Variants in CCSER1 observed in about 807,000 individuals in gnomAD.
The protein encoded by CCSER1 is coiled-coil serine rich protein 1, also known as serine-rich coiled-coil domain-containing protein 1.
CCSER1 carries 41 observed loss-of-function variants against 82.0 expected under a neutral mutation model. That is an observed-to-expected ratio of 0.50 (90% CI 0.39 to 0.65). The LOEUF (loss-of-function observed/expected upper bound fraction) is 0.65, where lower values mean the gene tolerates loss of function less well. Ranked by LOEUF, CCSER1 falls within the 30% of genes least tolerant of loss-of-function variation. The pLI is 0.00. For synonymous variants in CCSER1, 414 were observed against 383.9 expected, an observed-to-expected ratio of 1.08 and a Z score of -0.92; for missense variants, 1,119 against 1,064.2, an observed-to-expected ratio of 1.05 and a Z score of -0.72.
At chr4:90,683,484 G>A (rs1051661768) in intron 6 of CCSER1, among the ~76,000 whole-genome samples, 7 of 151,846 alleles carry the variant, frequency 4.6e-5, no homozygotes, top group African/African-American at 1.7e-4. Flanking sequence ...CTTAACCTGA[G>A]TCATTTTAAG....
At chr4:91,143,957 C>T (rs1729294712) in intron 10 of CCSER1, among the ~76,000 whole-genome samples, 1 of 151,820 alleles carries the variant, frequency 6.6e-6, no homozygotes, top group South Asian at 2.1e-4. Flanking sequence ...GTGTCTTTGT[C>T]AGATTTTGGT....
chr4:91,543,575 G>A (rs527877028), intron 10 of CCSER1, among the ~76,000 whole-genome samples: 4 of 152,120 alleles, frequency 2.6e-5, no homozygotes, highest in Non-Finnish European at 5.9e-5. Context: ...TAATTTGGCT[G>A]GATATGAAAT....
intron 5 of CCSER1, among the ~76,000 whole-genome samples, chr4:90,529,208 T>A (rs1435810868): frequency 1.3e-5 from 2 of 152,086 alleles, no homozygotes; most frequent in African/African-American, 2.4e-5. Flanking sequence ...CACTATTTTT[T>A]ATTTATTTTA....
chr4:91,154,727 G>C lies in CCSER1; in HGVS notation c.2217+68733G>C, dbSNP rs1052156924. 2.6e-5 allele frequency among the ~76,000 whole-genome samples: 4 copies of C among 152,072 alleles called. No individual in the cohort carries two copies. The East Asian group carries it at 5.8e-4, about 22-fold the overall frequency. ...AGTAAACCAGTAACTATGCATATGA[G>C]ATGAATACTGGATAATGATAAGAGC... On this transcript the variant is annotated intron_variant, in intron 10 of 10. Transcript: ENST00000509176.
At chr4:90,747,146 G>A (rs950212208) in intron 7 of CCSER1, among the ~76,000 whole-genome samples, 9 of 152,094 alleles carry the variant, frequency 5.9e-5, no homozygotes, top group African/African-American at 1.9e-4. Flanking sequence ...GAAAAACTAT[G>A]AGAAAACATC....
chr4:90,236,993 A>G (rs1745925153), intron 1 of CCSER1, among the ~76,000 whole-genome samples: 2 of 152,200 alleles, frequency 1.3e-5, no homozygotes. Context: ...CAGTGATGGT[A>G]CTGTGTTTAA....
chr4:91,216,976 A>T (rs1282054824), intron 10 of CCSER1, among the ~76,000 whole-genome samples: 1 of 152,132 alleles, frequency 6.6e-6, no homozygotes, highest in Non-Finnish European at 1.5e-5. Context: ...GGTCTCACTG[A>T]CTTCAAGAAT....
At chr4:90,780,462 C>T in intron 7 of CCSER1, 1 of 1,612,268 alleles carries the variant, frequency 6.2e-7, no homozygotes, top group Non-Finnish European at 8.5e-7. Flanking sequence ...CTAGGGAATT[C>T]TGAAAACCTG....
intron 10 of CCSER1, among the ~76,000 whole-genome samples, chr4:91,099,563 C>A (rs113930593): frequency 6.6e-6 from 1 of 152,106 alleles, no homozygotes; most frequent in African/African-American, 2.4e-5. Context: ...GTAGTTGGGG[C>A]GCAGCTTGGT....
intron 10 of CCSER1, among the ~76,000 whole-genome samples, chr4:91,319,997 G>T (rs1746086618): frequency 6.6e-6 from 1 of 151,976 alleles, no homozygotes; most frequent in Admixed American, 6.6e-5. Flanking sequence ...GTTCCGTCTA[G>T]CCTGAGATGT....
chr4:90,329,702 G>A (rs1272560886), intron 3 of CCSER1, among the ~76,000 whole-genome samples: 1 of 152,000 alleles, frequency 6.6e-6, no homozygotes, highest in Non-Finnish European at 1.5e-5. Flanking sequence ...TAATTGAGCA[G>A]TATGCTTAAG....
In CCSER1 at chr4:90,723,880, A is replaced by G. The variant is rs541016001; in HGVS notation, c.1933-34A>G. On this transcript the variant is annotated intron_variant, in intron 6 of 10. Coordinates refer to ENST00000509176, the MANE Select transcript of CCSER1 (RefSeq NM_001145065.2). ...GAATAGTCAAAATGACTACAAAACA[A>G]TCCTAATTAAATTCAATTTCACTGT... 51 of 1,167,938 alleles carry G rather than the reference A, an allele frequency of 4.4e-5. No homozygotes were observed. In the African/African-American group the frequency reaches 5.8e-4, roughly 13 times the overall value. The allele number at this position is 1,167,938 out of a possible 1,614,324, so 72.3% of individuals were successfully genotyped here. A position where few individuals can be genotyped will look rare whatever the true frequency, so the allele number is the denominator to read the frequency against.
chr4:90,868,576 C>A (rs183500776), intron 8 of CCSER1, among the ~76,000 whole-genome samples: 41 of 152,144 alleles, frequency 2.7e-4, no homozygotes, highest in Admixed American at 2.4e-3. Flanking sequence ...TGTGTGTGTA[C>A]CACCTTTTCT....
At chr4:90,748,863 T>C (rs1433164869) in intron 7 of CCSER1, among the ~76,000 whole-genome samples, 21 of 149,882 alleles carry the variant, frequency 1.4e-4, no homozygotes, top group Admixed American at 2.7e-4. Flanking sequence ...TCATGTCCTT[T>C]GCCCACTTTT....
chr4:90,811,983 TATATATAAACAC>T (rs1561180700), intron 7 of CCSER1, among the ~76,000 whole-genome samples: 7 of 124,548 alleles, frequency 5.6e-5, no homozygotes, highest in South Asian at 2.3e-4. Flanking sequence ...TATATATATA[TATATATAAACAC>T]ATATATATAT....
intron 10 of CCSER1, among the ~76,000 whole-genome samples, chr4:91,166,706 T>C (rs927859963): frequency 6.0e-5 from 9 of 148,868 alleles, no homozygotes; most frequent in Non-Finnish European, 1.4e-4. Context: ...AAAATATTTT[T>C]AGTGAAAATG....
Position 90,401,007 on chromosome 4 carries a change from T to C in CCSER1, c.1603+878T>C, listed in dbSNP as rs146563905. 2.6e-5 allele frequency among the ~76,000 whole-genome samples: 4 copies of C among 152,298 alleles called. No individual in the cohort carries two copies. In the East Asian group the frequency reaches 7.7e-4, roughly 29 times the overall value. ...TCGTGGAAATTAGACATAACCTCTG[T>C]AGTTATTTTTAGTTGTAAAACTTTA... On this transcript the variant is annotated intron_variant, in intron 4 of 10. Coordinates refer to ENST00000509176, the MANE Select transcript of CCSER1 (RefSeq NM_001145065.2).
intron 9 of CCSER1, among the ~76,000 whole-genome samples, chr4:91,045,660 G>T (rs975151100): frequency 6.6e-6 from 1 of 152,078 alleles, no homozygotes; most frequent in Non-Finnish European, 1.5e-5. Flanking sequence ...ATTATAATGA[G>T]ATTCTTTGAT....
At chr4:90,276,510 T>C (rs1235230099) in intron 1 of CCSER1, among the ~76,000 whole-genome samples, 1 of 151,712 alleles carries the variant, frequency 6.6e-6, no homozygotes, top group Non-Finnish European at 1.5e-5. Flanking sequence ...CATGCCCAGC[T>C]AACTTTTGTA....
Sources: gnomAD v4.1 joint callset for allele counts (sites outside exome capture counted in the v4.1 genomes callset) on GRCh38, gnomAD v4.1.1 for gene constraint, MANE v1.5 for transcripts, NCBI Gene and HGNC (gene_info 2026-07-23, HGNC 2026-07-21) for gene names.